Variants in NRF1 observed in about 807,000 individuals in gnomAD.
The protein encoded by NRF1 is alpha palindromic-binding protein.
In NRF1, 5 loss-of-function variants were observed where a neutral mutation model predicts 58.5. That is an observed-to-expected ratio of 0.09 (90% CI 0.04 to 0.18). The LOEUF (loss-of-function observed/expected upper bound fraction) is 0.18. Among genes scored for constraint, NRF1 ranks in the 10% least tolerant of loss-of-function variants. The pLI, the probability that NRF1 is intolerant of heterozygous loss-of-function variation, is 1.00. For synonymous variants in NRF1, 224 were observed against 246.7 expected (o/e 0.91, Z 0.86); for missense variants, 288 against 657.7 (o/e 0.44, Z 6.15).
At chr7:129,733,770 T>A (rs1803642132) in intron 10 of NRF1, among the ~76,000 whole-genome samples, 1 of 152,190 alleles carries the variant, frequency 6.6e-6, no homozygotes, top group South Asian at 2.1e-4. Flanking sequence ...ATGCCTATAA[T>A]CCTAACGCTT....
intron 1 of NRF1, among the ~76,000 whole-genome samples, chr7:129,630,633 T>C (rs1453778086): frequency 2.0e-5 from 3 of 152,206 alleles, no homozygotes; most frequent in Non-Finnish European, 4.4e-5. Context: ...TCTTGTTTTG[T>C]CGTTGTGAGG....
chr7:129,629,275 C>T (rs949543471), intron 1 of NRF1, among the ~76,000 whole-genome samples: 3 of 148,468 alleles, frequency 2.0e-5, no homozygotes, highest in Non-Finnish European at 3.0e-5. Flanking sequence ...ATAGCACACA[C>T]GCTTTTTTTT....
chr7:129,626,890 C>A (rs1480185062), intron 1 of NRF1, among the ~76,000 whole-genome samples: 1 of 152,206 alleles, frequency 6.6e-6, no homozygotes, highest in South Asian at 2.1e-4. Flanking sequence ...AACAAATGTA[C>A]ATCTAATGAT....
At chr7:129,729,125 A>G (rs1803519853) in intron 10 of NRF1, among the ~76,000 whole-genome samples, 1 of 152,238 alleles carries the variant, frequency 6.6e-6, no homozygotes, top group Non-Finnish European at 1.5e-5. Context: ...TGGGTTCAGT[A>G]GGAAACTTTA....
At chr7:129,621,518 T>C (rs936614472) in intron 1 of NRF1, among the ~76,000 whole-genome samples, 10 of 152,160 alleles carry the variant, frequency 6.6e-5, no homozygotes, top group African/African-American at 2.4e-4. Context: ...TAAACAATTA[T>C]GAAATAAAAT....
chr7:129,690,627 T>C, intron 5 of NRF1, 81 bp downstream of exon 5: 1 of 1,471,238 alleles, frequency 6.8e-7, no homozygotes, highest in Non-Finnish European at 9.4e-7. Context: ...TTCTGCATTT[T>C]GTCCTCAGTG....
intron 5 of NRF1, among the ~76,000 whole-genome samples, chr7:129,693,844 A>G (rs1802625637): frequency 2.6e-5 from 4 of 152,158 alleles, no homozygotes; most frequent in Admixed American, 1.3e-4. Flanking sequence ...GTGTTAGGTA[A>G]ACTCCTCTCC....
intron 2 of NRF1, 66 bp from the exon 3 acceptor site, chr7:129,671,363 A>T: frequency 2.1e-6 from 2 of 948,200 alleles, no homozygotes; most frequent in Non-Finnish European, 3.4e-6. Flanking sequence ...TTGTACCTTT[A>T]ATTGTTTCTG....
intron 1 of NRF1, among the ~76,000 whole-genome samples, chr7:129,625,191 C>G (rs1044179765): frequency 6.6e-6 from 1 of 152,164 alleles, no homozygotes; most frequent in Non-Finnish European, 1.5e-5. Context: ...ATTGTCTCCT[C>G]TCCGTGTAAT....
At chr7:129,652,884 G>A (rs1284826268) in intron 1 of NRF1, among the ~76,000 whole-genome samples, 3 of 152,150 alleles carry the variant, frequency 2.0e-5, no homozygotes, top group Non-Finnish European at 4.4e-5. Flanking sequence ...GAGCCACCGC[G>A]CCCGGCCAGA....
chr7:129,619,433 T>TATACACACACACACACAC (rs1554401492), intron 1 of NRF1, among the ~76,000 whole-genome samples: 3 of 65,874 alleles, frequency 4.6e-5, no homozygotes, highest in African/African-American at 2.5e-4. Flanking sequence ...TATATATATA[T>TATACACACACACACACAC]ACACACACAC....
At position 129,697,602 on chromosome 7, in the gene NRF1, G is replaced by A. The variant is rs531188144; in HGVS notation, c.606+7056G>A. On this transcript the variant is annotated intron_variant, in intron 5 of 10. Transcript: ENST00000393232. ...AAAATGAAATTTATGAAGCAAGCTAGTGACAGATAGAACTTAGGGCTGCAT... is the reference window on the plus strand; with the variant it reads ...AAAATGAAATTTATGAAGCAAGCTAATGACAGATAGAACTTAGGGCTGCAT... 1.1e-3 allele frequency among the ~76,000 whole-genome samples: 165 copies of A among 152,210 alleles called. No individual in the cohort carries two copies. The Middle Eastern group carries it at 0.017, about 16-fold the overall frequency.
intron 10 of NRF1, among the ~76,000 whole-genome samples, chr7:129,728,266 C>T (rs1381606563): frequency 2.6e-5 from 4 of 152,032 alleles, no homozygotes; most frequent in African/African-American, 9.7e-5. Flanking sequence ...GCCTATTAAT[C>T]CCAGCACTTT....
intron 1 of NRF1, among the ~76,000 whole-genome samples, chr7:129,619,899 G>T (rs1391063967): frequency 6.6e-6 from 1 of 151,776 alleles, no homozygotes; most frequent in Non-Finnish European, 1.5e-5. Flanking sequence ...GGGTTTTCTG[G>T]TTCTGGGGTT....
At chr7:129,652,791 A>G (rs893832791) in intron 1 of NRF1, among the ~76,000 whole-genome samples, 4 of 152,000 alleles carry the variant, frequency 2.6e-5, no homozygotes, top group Non-Finnish European at 4.4e-5. Flanking sequence ...ACAGGGTTTC[A>G]CCATGTTAGC....
Position 129,677,619 on chromosome 7 carries a change from T to G in NRF1, c.339-13T>G. ...TTTAAAACTTTTTATTCTTGTTTCC[T>G]TTTCTGATTCAGGAAACTTCGAGCC... On this transcript the variant is annotated splice_polypyrimidine_tract_variant and intron_variant, in intron 3 of 10. Transcript: ENST00000393232. 6.2e-7 allele frequency: 1 copy of G among 1,611,620 alleles called. No individual in the cohort carries two copies. Among genetic ancestry groups the G allele is most frequent in the Non-Finnish European group, 8.5e-7 (1 of 1,179,236 alleles).
At chr7:129,636,683 A>G (rs774141582) in intron 1 of NRF1, among the ~76,000 whole-genome samples, 1 of 152,086 alleles carries the variant, frequency 6.6e-6, no homozygotes, top group Non-Finnish European at 1.5e-5. Flanking sequence ...GTCTCTTTTC[A>G]GTTTCGAAAA....
chr7:129,682,322 G>T (rs748455914), intron 4 of NRF1, among the ~76,000 whole-genome samples: 2 of 151,418 alleles, frequency 1.3e-5, no homozygotes, highest in African/African-American at 2.4e-5. Context: ...AGCCAGATGT[G>T]GTAGCACATG....
intron 10 of NRF1, among the ~76,000 whole-genome samples, chr7:129,749,331 T>C (rs765347987): frequency 1.3e-5 from 2 of 152,108 alleles, no homozygotes; most frequent in Non-Finnish European, 2.9e-5. Context: ...TTCAGAGCTT[T>C]TGGCCTGAGC....
Sources: gnomAD v4.1 joint callset for allele counts (sites outside exome capture counted in the v4.1 genomes callset) on GRCh38, gnomAD v4.1.1 for gene constraint, MANE v1.5 for transcripts, NCBI Gene and HGNC (gene_info 2026-07-23, HGNC 2026-07-21) for gene names.